Variants in SPAG17 observed in about 807,000 individuals in gnomAD.
The protein encoded by SPAG17 is sperm-associated antigen 17.
In SPAG17, 169 loss-of-function variants were observed where a neutral mutation model predicts 273.6. The ratio of observed to expected loss-of-function variants is 0.62; its 90% CI spans 0.55 to 0.70. The LOEUF (loss-of-function observed/expected upper bound fraction) is 0.70. SPAG17 is among the 30% of genes least tolerant of loss of function. The pLI is 0.00. For synonymous variants in SPAG17, 825 were observed against 873.2 expected (o/e 0.94, Z 0.97); for missense variants, 2,557 against 2,627.8 (o/e 0.97, Z 0.59).
At chr1:118,184,598 G>C (rs537846930) in intron 1 of SPAG17, among the ~76,000 whole-genome samples, 1 of 152,110 alleles carries the variant, frequency 6.6e-6, no homozygotes, top group Non-Finnish European at 1.5e-5. Context: ...TCTATACAAG[G>C]CTCGCTTGTA....
At chr1:118,035,145 T>C (rs866258902) in intron 24 of SPAG17, among the ~76,000 whole-genome samples, 3 of 152,206 alleles carry the variant, frequency 2.0e-5, no homozygotes, top group African/African-American at 7.2e-5. Flanking sequence ...CATACGCATA[T>C]AATTTTTACA....
intron 3 of SPAG17, among the ~76,000 whole-genome samples, chr1:118,147,792 G>A (rs1283627930): frequency 1.3e-5 from 2 of 152,152 alleles, no homozygotes; most frequent in African/African-American, 4.8e-5. Context: ...GTCTTTGCTA[G>A]CCCAGACATT....
intron 30 of SPAG17, among the ~76,000 whole-genome samples, chr1:118,009,074 T>C (rs1210888549): frequency 6.6e-6 from 1 of 152,140 alleles, no homozygotes; most frequent in Non-Finnish European, 1.5e-5. Context: ...TAATATGATA[T>C]GCATGATTTT....
At chr1:117,960,995 A>G (rs1653005637) in intron 48 of SPAG17, 1 of 152,150 alleles carries the variant, frequency 6.6e-6, no homozygotes, top group South Asian at 2.1e-4. Flanking sequence ...TTTATTGAAA[A>G]TATCTGGGCT....
At position 117,983,791 on chromosome 1, in the gene SPAG17, G is replaced by T; in HGVS notation, c.5872+20C>A. On this transcript the variant is annotated intron_variant, in intron 42 of 48. Coordinates refer to ENST00000336338, the MANE Select transcript of SPAG17 (RefSeq NM_206996.4). Reference sequence around the variant, plus strand: ...AGTTACGGACATTTAATAGGAATATGTGCTATGCTAACATATTACCTAGAT... The same window carrying T: ...AGTTACGGACATTTAATAGGAATATTTGCTATGCTAACATATTACCTAGAT... 6.6e-7 allele frequency: 1 copy of T among 1,510,954 alleles called. No individual in the cohort carries two copies. The allele number at this position is 1,510,954 out of a possible 1,614,324, so 93.6% of individuals were successfully genotyped here.
chr1:118,119,665 T>TAG (rs1454649936), intron 3 of SPAG17, among the ~76,000 whole-genome samples: 1 of 152,204 alleles, frequency 6.6e-6, no homozygotes, highest in African/African-American at 2.4e-5. Flanking sequence ...ATCCATAAGC[T>TAG]AGAGCTTGAC....
intron 18 of SPAG17, among the ~76,000 whole-genome samples, chr1:118,065,918 T>A (rs1571391673): frequency 6.6e-6 from 1 of 152,012 alleles, no homozygotes; most frequent in Non-Finnish European, 1.5e-5. Context: ...AAATTGGAGA[T>A]CCTAGCCAAG....
chr1:117,984,852 T>G (rs1477214153), intron 40 of SPAG17, 70 bp from the exon 41 acceptor site: 1 of 952,124 alleles, frequency 1.1e-6, no homozygotes. Flanking sequence ...GTTTGTGCTT[T>G]AGCTCTAAAT....
chr1:118,053,053 T>C (rs779055698), intron 20 of SPAG17, among the ~76,000 whole-genome samples: 7 of 152,030 alleles, frequency 4.6e-5, no homozygotes, highest in Non-Finnish European at 8.8e-5. Flanking sequence ...GGATGAGAAC[T>C]GAACTTAAGG....
intron 20 of SPAG17, among the ~76,000 whole-genome samples, chr1:118,053,708 G>A (rs900049863): frequency 3.3e-5 from 5 of 151,798 alleles, no homozygotes; most frequent in South Asian, 2.1e-4. Flanking sequence ...GAATCAACCC[G>A]GTAGAATCAA....
intron 17 of SPAG17, among the ~76,000 whole-genome samples, chr1:118,071,635 A>C (rs1653594872): frequency 6.6e-6 from 1 of 152,196 alleles, no homozygotes. Flanking sequence ...ACACAGCGAG[A>C]CATCATCTCA....
At chr1:118,057,003 C>G (rs1258573826) in intron 18 of SPAG17, among the ~76,000 whole-genome samples, 1 of 150,286 alleles carries the variant, frequency 6.7e-6, no homozygotes, top group Non-Finnish European at 1.5e-5. Context: ...GAGACTGAGT[C>G]TCGCTCTGTC....
At chr1:117,963,488 A>G (rs1346225635) in intron 48 of SPAG17, 3 of 164,818 alleles carry the variant, frequency 1.8e-5, no homozygotes, top group African/African-American at 7.2e-5. Flanking sequence ...CTCAGCCTCC[A>G]GAGTAGCTGG....
rs758692494 is a variant in SPAG17 at position 118,151,222 on chromosome 1, C to CAGGT, written c.228+3_228+6dup. On this transcript the variant is annotated splice_region_variant and intron_variant, in intron 2 of 48. Coordinates refer to ENST00000336338, the MANE Select transcript of SPAG17 (RefSeq NM_206996.4). ...CAGGTGGCTTTGAGGTAGGAAGGGA[C>CAGGT]AGGTACCTGCTGGAGAATGTCTTGC... 1.3e-5 allele frequency: 20 copies of CAGGT among 1,555,630 alleles called. No homozygotes were observed. The South Asian group carries it at 2.0e-4, about 16-fold the overall frequency.
chr1:118,133,721 T>G (rs1658184147), intron 3 of SPAG17, among the ~76,000 whole-genome samples: 1 of 152,214 alleles, frequency 6.6e-6, no homozygotes, highest in Non-Finnish European at 1.5e-5. Flanking sequence ...TTTGCCTGCA[T>G]GTCCTTCTTC....
chr1:118,029,517 G>A (rs1239109569), intron 25 of SPAG17, among the ~76,000 whole-genome samples: 2 of 152,060 alleles, frequency 1.3e-5, no homozygotes, highest in Admixed American at 1.3e-4. Flanking sequence ...TTTCTATAAT[G>A]AGCACATACT....
rs763372241 is a variant in SPAG17 at position 118,185,167 on chromosome 1, G to A, written c.-10C>T. 8.7e-6 allele frequency: 14 copies of A among 1,610,448 alleles called. No individual in the cohort carries two copies. The highest frequency in any genetic ancestry group is 1.2e-5 in the Non-Finnish European group (14 of 1,176,774). ...CCTTCTTGGGTGCCATGCAAAGGAC[G>A]GGAGAAGCATTGGCCTCTAAACTGG... On this transcript the variant is annotated 5_prime_UTR_variant, in exon 1 of 49. Coordinates refer to ENST00000336338, the MANE Select transcript of SPAG17 (RefSeq NM_206996.4).
intron 3 of SPAG17, among the ~76,000 whole-genome samples, chr1:118,132,433 C>T (rs373857803): frequency 2.6e-5 from 4 of 152,228 alleles, no homozygotes; most frequent in African/African-American, 4.8e-5. Flanking sequence ...AAGGGTGACA[C>T]GATCAGATAT....
At chr1:118,021,467 T>C (rs182005184) in intron 28 of SPAG17, among the ~76,000 whole-genome samples, 1 of 152,040 alleles carries the variant, frequency 6.6e-6, no homozygotes, top group African/African-American at 2.4e-5. Context: ...GATTTTTAGG[T>C]TGGCAAAATT....
Sources: gnomAD v4.1 joint callset for allele counts (sites outside exome capture counted in the v4.1 genomes callset) on GRCh38, gnomAD v4.1.1 for gene constraint, MANE v1.5 for transcripts, NCBI Gene and HGNC (gene_info 2026-07-23, HGNC 2026-07-21) for gene names.